SLC25A26: variants seen among roughly 807,000 people sequenced by gnomAD.
SLC25A26 encodes mitochondrial S-adenosylmethionine carrier protein.
A neutral mutation model predicts 37.8 loss-of-function variants in SLC25A26; 36 were observed. The ratio of observed to expected loss-of-function variants is 0.95; its 90% confidence interval spans 0.73 to 1.26. SLC25A26 has a LOEUF of 1.26. Among genes scored for constraint, SLC25A26 ranks in the 50% most tolerant of loss-of-function variants. SLC25A26 has a pLI of 0.00. For synonymous variants in SLC25A26, 129 were observed against 122.5 expected, an observed-to-expected ratio of 1.05 and a Z score of -0.35; for missense variants, 390 against 331.1, an observed-to-expected ratio of 1.18 and a Z score of -1.38.
chr3:66,365,009 G>GAC (rs2076795008), intron 7 of SLC25A26, among the ~76,000 whole-genome samples: 2 of 152,164 alleles, frequency 1.3e-5, no homozygotes, highest in African/African-American at 4.8e-5. Context: ...ATCCAGAGGA[G>GAC]GTTACTATTT....
intron 2 of SLC25A26, among the ~76,000 whole-genome samples, chr3:66,240,736 CCTTTT>C (rs782763464): frequency 2.7e-4 from 38 of 142,360 alleles, no homozygotes; most frequent in Non-Finnish European, 4.6e-4. Context: ...ACAGGGCTAG[CCTTTT>C]CTTTTCTTTT....
At chr3:66,212,331 G>A (rs1396072381) in intron 1 of SLC25A26, among the ~76,000 whole-genome samples, 3 of 151,918 alleles carry the variant, frequency 2.0e-5, no homozygotes, top group Non-Finnish European at 4.4e-5. Context: ...GCCCAAGCTG[G>A]CCTCAGACTC....
intron 3 of SLC25A26, among the ~76,000 whole-genome samples, chr3:66,255,946 T>A (rs1387167275): frequency 6.6e-6 from 1 of 152,182 alleles, no homozygotes; most frequent in African/African-American, 2.4e-5. Context: ...TCGGAGAGGC[T>A]TTTCAAAGTT....
intron 5 of SLC25A26, among the ~76,000 whole-genome samples, chr3:66,320,755 C>T (rs559244634): frequency 6.6e-6 from 1 of 152,078 alleles, no homozygotes; most frequent in African/African-American, 2.4e-5. Context: ...TGTTTTTTCT[C>T]TTTAAATTAT....
chr3:66,262,296 A>C, intron 4 of SLC25A26, 141 bp downstream of exon 4: 1 of 461,428 alleles, frequency 2.2e-6, no homozygotes, highest in East Asian at 3.6e-5. Flanking sequence ...ATTTTTGCTA[A>C]GATTATCTTT....
chr3:66,187,947 A>G (rs974990386), intron 1 of SLC25A26, among the ~76,000 whole-genome samples: 3 of 152,060 alleles, frequency 2.0e-5, no homozygotes, highest in African/African-American at 7.2e-5. Context: ...CCCTGAACCT[A>G]TCCCTCACCA....
intron 1 of SLC25A26, among the ~76,000 whole-genome samples, chr3:66,227,313 AT>A: frequency 6.6e-6 from 1 of 152,124 alleles, no homozygotes; most frequent in Non-Finnish European, 1.5e-5. Flanking sequence ...TTTATGTCTG[AT>A]TTTTGTTTAA....
intron 5 of SLC25A26, among the ~76,000 whole-genome samples, chr3:66,302,977 G>A (rs370063799): frequency 2.0e-5 from 3 of 152,054 alleles, no homozygotes; most frequent in Non-Finnish European, 4.4e-5. Context: ...GTGTCCATGG[G>A]GACCCCCCTT....
At chr3:66,179,973 G>A (rs1318743490) in intron 1 of SLC25A26, among the ~76,000 whole-genome samples, 1 of 152,166 alleles carries the variant, frequency 6.6e-6, no homozygotes, top group African/African-American at 2.4e-5. Flanking sequence ...GATACTGTTA[G>A]ATAGATTGAT....
chr3:66,255,911 C>T (rs1057373600), intron 3 of SLC25A26, among the ~76,000 whole-genome samples: 10 of 152,136 alleles, frequency 6.6e-5, no homozygotes, highest in Non-Finnish European at 1.2e-4. Flanking sequence ...CTTTGTACCC[C>T]TCAGCTAGTT....
At chr3:66,369,667 G>T in intron 8 of SLC25A26, 125 bp downstream of exon 8, 1 of 768,430 alleles carries the variant, frequency 1.3e-6, no homozygotes, top group East Asian at 2.7e-5. Context: ...TATGCTGCCT[G>T]TGCAACCTCT....
chr3:66,274,161 A>G (rs1189395212), intron 5 of SLC25A26, among the ~76,000 whole-genome samples: 1 of 151,056 alleles, frequency 6.6e-6, no homozygotes, highest in Non-Finnish European at 1.5e-5. Context: ...AGGATTCCCT[A>G]TTTAATAAAT....
upstream of SLC25A26, among the ~76,000 whole-genome samples, chr3:66,219,133 A>G (rs1380802377): frequency 3.3e-5 from 5 of 152,358 alleles, no homozygotes; most frequent in East Asian, 7.7e-4. Context: ...GGCACCAGGC[A>G]GTAGGTGAAA....
chr3:66,289,672 G>A (rs1238342870), intron 5 of SLC25A26, among the ~76,000 whole-genome samples: 5 of 152,062 alleles, frequency 3.3e-5, no homozygotes, highest in African/African-American at 9.7e-5. Flanking sequence ...TGTCCCTTGG[G>A]TTTGTATATG....
At position 66,294,012 on chromosome 3, in the gene SLC25A26, T is replaced by G. The variant is rs7626480; in HGVS notation, c.453+30633T>G. Among the ~76,000 whole-genome samples, 1,007 of 152,206 alleles carry G rather than the reference T, an allele frequency of 6.6e-3. 9 individuals carry two copies. The highest frequency in any genetic ancestry group is 0.022 in the African/African-American group (910 of 41,534). ...CTTGGCTACCTGGGCTCTTTTTTTT[T>G]GTTCCATATGAATTTTAAAATAGTT... On this transcript the variant is annotated intron_variant, in intron 5 of 9. Coordinates refer to ENST00000354883, the MANE Select transcript of SLC25A26 (RefSeq NM_001379210.1).
At chr3:66,158,479 AT>A (rs1308346165) in intron 1 of SLC25A26, among the ~76,000 whole-genome samples, 4 of 152,176 alleles carry the variant, frequency 2.6e-5, no homozygotes, top group Admixed American at 1.3e-4. Context: ...CAGGAATTGA[AT>A]TGCTGGGTCA....
chr3:66,169,629 G>C (rs1350733737), intron 1 of SLC25A26, among the ~76,000 whole-genome samples: 2 of 152,060 alleles, frequency 1.3e-5, no homozygotes, highest in African/African-American at 2.4e-5. Context: ...GGTTTATCTT[G>C]TTCATATCTA....
chr3:66,174,368 C>T (rs2106738510), intron 1 of SLC25A26, among the ~76,000 whole-genome samples: 3 of 152,292 alleles, frequency 2.0e-5, no homozygotes, highest in Middle Eastern at 3.4e-3. Context: ...TTTCTAGAAG[C>T]TCACTTACTC....
chr3:66,347,115 T>A (rs371145554), intron 6 of SLC25A26, among the ~76,000 whole-genome samples: 67 of 152,052 alleles, frequency 4.4e-4, no homozygotes, highest in Admixed American at 1.2e-3. Flanking sequence ...AAGCCAAAAT[T>A]GACAAATGGG....
Sources: gnomAD v4.1 joint callset for allele counts (sites outside exome capture counted in the v4.1 genomes callset) on GRCh38, gnomAD v4.1.1 for gene constraint, MANE v1.5 for transcripts, NCBI Gene and HGNC (gene_info 2026-07-23, HGNC 2026-07-21) for gene names.